RYR2: variants seen among roughly 807,000 people sequenced by gnomAD.
RYR2 encodes ryanodine receptor 2, also known as cardiac muscle ryanodine receptor-calcium release channel.
A neutral mutation model predicts 601.1 loss-of-function variants in RYR2; 227 were observed. The observed-to-expected ratio is 0.38, with a 90% CI of 0.34 to 0.42. The LOEUF is 0.42. Among genes scored for constraint, RYR2 ranks in the 10% least tolerant of loss-of-function variants. The pLI, the probability that RYR2 is intolerant of heterozygous loss-of-function variation, is 1.00. For synonymous variants in RYR2, 2,223 were observed against 2,175.1 expected (o/e 1.02, Z -0.61); for missense variants, 4,646 against 6,156.5 (o/e 0.75, Z 8.21).
intron 34 of RYR2, among the ~76,000 whole-genome samples, chr1:237,601,135 A>G (rs995497437): frequency 2.0e-5 from 3 of 152,220 alleles, no homozygotes; most frequent in Admixed American, 6.5e-5. Flanking sequence ...CTGCACTTCT[A>G]TAATTATCAC....
At chr1:237,218,608 C>T (rs1244283555) in intron 1 of RYR2, among the ~76,000 whole-genome samples, 1 of 152,064 alleles carries the variant, frequency 6.6e-6, no homozygotes, top group African/African-American at 2.4e-5. Context: ...AATCTAGCCT[C>T]GTATAGGAGA....
Position 237,454,495 on chromosome 1 carries a change from C to CA in RYR2, c.1398dup (p.Asp467ArgfsTer2). 1 of 1,613,542 alleles carries CA rather than the reference C, an allele frequency of 6.2e-7. No individual in the cohort carries two copies. The highest frequency in any genetic ancestry group is 8.5e-7 in the Non-Finnish European group (1 of 1,179,664). ...GATCTCATTGGCTACTTCCACCCCCCAGATGAGCATTTAGAGCATGAAGAC... is the reference window on the plus strand; with the variant it reads ...GATCTCATTGGCTACTTCCACCCCCCAAGATGAGCATTTAGAGCATGAAGAC... On this transcript the variant is annotated frameshift_variant, in exon 15 of 105. Coordinates refer to ENST00000366574, the MANE Select transcript of RYR2 (RefSeq NM_001035.3). LOFTEE classifies it high-confidence loss of function.
intron 2 of RYR2, among the ~76,000 whole-genome samples, chr1:237,320,551 C>T (rs1056002614): frequency 5.9e-5 from 9 of 152,200 alleles, no homozygotes; most frequent in African/African-American, 2.2e-4. Context: ...AAGTCAGAGT[C>T]ACATCTCACA....
chr1:237,538,402 A>T (rs1345228837), intron 25 of RYR2, among the ~76,000 whole-genome samples: 1 of 143,498 alleles, frequency 7.0e-6, no homozygotes, highest in South Asian at 2.3e-4. Context: ...CTCAAAAAAA[A>T]AAAAAAAAAA....
chr1:237,661,460 C>T (rs1205609697), intron 56 of RYR2, among the ~76,000 whole-genome samples: 6 of 151,886 alleles, frequency 4.0e-5, no homozygotes, highest in East Asian at 1.9e-4. Context: ...CAAACCTGCA[C>T]GTTCTGCACA....
chr1:237,357,304 G>A (rs888863242), intron 4 of RYR2, among the ~76,000 whole-genome samples: 1 of 152,148 alleles, frequency 6.6e-6, no homozygotes. Context: ...GGTAAGGGAA[G>A]CCTGCTTCCT....
intron 101 of RYR2, among the ~76,000 whole-genome samples, chr1:237,824,683 A>T (rs1662895962): frequency 6.6e-6 from 1 of 152,194 alleles, no homozygotes; most frequent in Non-Finnish European, 1.5e-5. Context: ...GGCCAGGGCA[A>T]TCAGGCAAAA....
At chr1:237,563,921 A>G (rs1271242580) in intron 27 of RYR2, among the ~76,000 whole-genome samples, 2 of 152,318 alleles carry the variant, frequency 1.3e-5, no homozygotes, top group East Asian at 1.9e-4. Flanking sequence ...ACTGTAGTAT[A>G]GTTTTCATGG....
intron 80 of RYR2, among the ~76,000 whole-genome samples, chr1:237,754,769 G>A (rs998081911): frequency 2.0e-5 from 3 of 152,184 alleles, no homozygotes; most frequent in Non-Finnish European, 4.4e-5. Context: ...AAGAGCAGAC[G>A]AAAGGGTCCT....
At chr1:237,487,705 C>A (rs1229659033) in intron 17 of RYR2, among the ~76,000 whole-genome samples, 2 of 151,268 alleles carry the variant, frequency 1.3e-5, no homozygotes, top group African/African-American at 4.9e-5. Context: ...TGCTCTCCAG[C>A]CTGGGCAACT....
intron 66 of RYR2, among the ~76,000 whole-genome samples, 195 bp downstream of exon 66, chr1:237,702,254 G>A (rs1688028924): frequency 6.6e-6 from 1 of 152,162 alleles, no homozygotes; most frequent in Admixed American, 6.5e-5. Context: ...ATGGAGTTAT[G>A]CAAAGAAAGT....
chr1:237,622,048 C>T (rs2148638096), intron 38 of RYR2, among the ~76,000 whole-genome samples: 1 of 152,168 alleles, frequency 6.6e-6, no homozygotes, highest in African/African-American at 2.4e-5. Flanking sequence ...ATAAAGCGTA[C>T]TTGAAGTCTC....
chr1:237,118,185 A>T (rs1169691214), intron 1 of RYR2, among the ~76,000 whole-genome samples: 1 of 152,200 alleles, frequency 6.6e-6, no homozygotes, highest in Admixed American at 6.5e-5. Flanking sequence ...ATTGAAATTG[A>T]TTGAAATTTA....
At chr1:237,685,003 C>T (rs1273092052) in intron 62 of RYR2, among the ~76,000 whole-genome samples, 1 of 151,434 alleles carries the variant, frequency 6.6e-6, no homozygotes, top group East Asian at 1.9e-4. Context: ...ATAAACAATG[C>T]CAAGTACTGT....
At chr1:237,368,801 T>TTATA (rs1700405011) in intron 5 of RYR2, among the ~76,000 whole-genome samples, 1 of 138,914 alleles carries the variant, frequency 7.2e-6, no homozygotes, top group African/African-American at 3.0e-5. Flanking sequence ...GAATCAACGT[T>TTATA]TATTTATTTA....
rs1558243445 is a variant in RYR2 at position 237,106,621 on chromosome 1, T to G, written c.48+64052T>G. Among the ~76,000 whole-genome samples, 2 of 152,180 alleles carry G rather than the reference T, an allele frequency of 1.3e-5. No individual in the cohort carries two copies. Among genetic ancestry groups the G allele is most frequent in the African/African-American group, 2.4e-5 (1 of 41,446 alleles). On this transcript the variant is annotated intron_variant, in intron 1 of 104. Transcript: ENST00000366574. This position sits in a 1 kb window ranked among gnomAD's most constrained non-coding sequence, Gnocchi z 4.4. The stretch of plus-strand genomic sequence containing the variant: ...GGACTTCTGGAGAGAGGGCTGAAAC[T>G]GTCCTTGAAAAAATGGATTTCTCAG...
At chr1:237,495,642 T>A (rs1320208346) in intron 19 of RYR2, among the ~76,000 whole-genome samples, 1 of 152,212 alleles carries the variant, frequency 6.6e-6, no homozygotes, top group African/African-American at 2.4e-5. Context: ...AGGGTATATG[T>A]CCACTCCTAA....
chr1:237,786,418 T>C (rs2149361091), intron 91 of RYR2, among the ~76,000 whole-genome samples: 1 of 152,330 alleles, frequency 6.6e-6, no homozygotes, highest in Non-Finnish European at 1.5e-5. Flanking sequence ...AAACAAACAT[T>C]CCAAATGCGC....
chr1:237,582,939 T>TATATATATAC (rs1553511952), intron 29 of RYR2, among the ~76,000 whole-genome samples: 29 of 150,556 alleles, frequency 1.9e-4, no homozygotes, highest in African/African-American at 5.8e-4. Context: ...TATATATATA[T>TATATATATAC]ACCCAGTAAT....
Sources: allele counts gnomAD v4.1 joint callset (sites outside exome capture counted in the v4.1 genomes callset), GRCh38; gene constraint gnomAD v4.1.1; non-coding constraint Gnocchi (gnomAD v3.1); transcripts MANE v1.5; gene names NCBI Gene and HGNC (gene_info 2026-07-23, HGNC 2026-07-21).